Variants in SLC2A13 observed in about 807,000 individuals in gnomAD.
The protein encoded by SLC2A13 is proton myo-inositol cotransporter.
In SLC2A13, 32 loss-of-function variants were observed where a neutral mutation model predicts 64.4. The ratio of observed to expected loss-of-function variants is 0.50; its 90% confidence interval spans 0.37 to 0.67. SLC2A13 has a LOEUF of 0.67. SLC2A13 is among the 30% of genes least tolerant of loss of function. The pLI, the probability that SLC2A13 is intolerant of heterozygous loss-of-function variation, is 0.00. For synonymous variants in SLC2A13, 338 were observed against 327.1 expected (o/e 1.03, Z -0.36); for missense variants, 743 against 829.2 (o/e 0.90, Z 1.28).
rs1223748018 is a variant in SLC2A13 at position 39,760,250 on chromosome 12, C to T, written c.1723G>A (p.Ala575Thr). The change falls in exon 10 of 10, where the codon GCT (alanine) becomes ACT (threonine). Residue 575 changes from alanine (A) to threonine (T), a missense_variant and splice_region_variant. Transcript: ENST00000280871. ...GCAAATCCAGCATAGAGGAAGAAAGCTCCTGCAACGGAATATAATAGATAC... is the reference window on the plus strand; with the variant it reads ...GCAAATCCAGCATAGAGGAAGAAAGTTCCTGCAACGGAATATAATAGATAC... ...HTAEYLTYYGAFFLYAGFAAV... is the reference protein window; with the variant it reads ...HTAEYLTYYGTFFLYAGFAAV... 1.9e-6 allele frequency: 3 copies of T among 1,610,112 alleles called. No individual in the cohort carries two copies. The highest frequency in any genetic ancestry group is 2.2e-5 in the East Asian group (1 of 44,672).
chr12:39,985,935 T>A (rs918827988), intron 3 of SLC2A13, among the ~76,000 whole-genome samples: 6 of 152,116 alleles, frequency 3.9e-5, no homozygotes, highest in Non-Finnish European at 7.4e-5. Flanking sequence ...TTATATACAA[T>A]AAATGTTTAT....
chr12:39,862,969 G>A (rs1047193785), intron 6 of SLC2A13, among the ~76,000 whole-genome samples: 6 of 152,068 alleles, frequency 3.9e-5, no homozygotes, highest in Non-Finnish European at 5.9e-5. Context: ...CCCAGTAAGC[G>A]GACTGCAGCC....
At chr12:40,042,049 G>T (rs1948097839) in intron 2 of SLC2A13, among the ~76,000 whole-genome samples, 1 of 152,140 alleles carries the variant, frequency 6.6e-6, no homozygotes, top group Admixed American at 6.5e-5. Flanking sequence ...GTCTCACATT[G>T]TGCATGAGTC....
At chr12:39,810,522 G>A (rs1456049332) in intron 7 of SLC2A13, among the ~76,000 whole-genome samples, 1 of 152,104 alleles carries the variant, frequency 6.6e-6, no homozygotes, top group Non-Finnish European at 1.5e-5. Context: ...ATGTCATGTA[G>A]TAGTGTTAAG....
intron 1 of SLC2A13, among the ~76,000 whole-genome samples, chr12:40,077,391 C>T (rs1938217670): frequency 6.6e-6 from 1 of 152,144 alleles, no homozygotes; most frequent in Admixed American, 6.5e-5. Flanking sequence ...TCTTCAAACA[C>T]CATTTATTAA....
At chr12:39,864,913 G>C (rs745902890) in intron 5 of SLC2A13, 31 bp from the exon 6 acceptor site, 1 of 1,586,358 alleles carries the variant, frequency 6.3e-7, no homozygotes, top group South Asian at 1.2e-5. Context: ...TATTAGAGAA[G>C]AGTTGACAAT....
At position 40,105,278 on chromosome 12, in the gene SLC2A13, G is replaced by T; in HGVS notation, c.531C>A (p.Gly177=). 6.3e-7 allele frequency: 1 copy of T among 1,597,394 alleles called. No homozygotes were observed. The highest frequency in any genetic ancestry group is 1.7e-4 in the Middle Eastern group (1 of 5,764). Residue 177 remains glycine, a synonymous_variant, in exon 1 of 10, where the codon GGC becomes GGA. Coordinates refer to ENST00000280871, the MANE Select transcript of SLC2A13 (RefSeq NM_052885.4). This position sits in a 1 kb window ranked among gnomAD's most constrained non-coding sequence, Gnocchi z 4.2. ...CGATGCCGAGTCCCACGACCAGGCG[G>T]CCGGCGAGCAGTGTCTCCTTGTTGT... is the stretch of plus-strand genomic sequence containing the variant. The part of the protein sequence containing the change: ...AANNKETLLA[G]RLVVGLGIGI...
chr12:39,980,197 C>G (rs1444625392), intron 3 of SLC2A13, among the ~76,000 whole-genome samples: 1 of 151,886 alleles, frequency 6.6e-6, no homozygotes, highest in African/African-American at 2.4e-5. Context: ...AAGGAACAAC[C>G]AGTACCAGCC....
At chr12:40,003,634 AG>A (rs937086014) in intron 3 of SLC2A13, among the ~76,000 whole-genome samples, 2 of 151,900 alleles carry the variant, frequency 1.3e-5, no homozygotes, top group Non-Finnish European at 1.5e-5. Flanking sequence ...TAAAAAAGCA[AG>A]TCATCTCCAA....
Position 39,957,455 on chromosome 12 carries a change from G to A in SLC2A13, c.926-6090C>T, listed in dbSNP as rs149010924. Among the ~76,000 whole-genome samples the A allele has an allele frequency of 3.5e-4, 53 of 152,138 alleles. No homozygotes were observed. In the East Asian group the frequency reaches 8.5e-3, roughly 24 times the overall value. On this transcript the variant is annotated intron_variant, in intron 3 of 9. Coordinates refer to ENST00000280871, the MANE Select transcript of SLC2A13 (RefSeq NM_052885.4). ...AACAAACATACTCTGTGCTCCTTACGACTGCAATTCCTCCATTTCATTTTC... is the reference window on the plus strand; with the variant it reads ...AACAAACATACTCTGTGCTCCTTACAACTGCAATTCCTCCATTTCATTTTC...
chr12:39,899,677 T>G (rs1275623527), intron 4 of SLC2A13, among the ~76,000 whole-genome samples: 1 of 152,162 alleles, frequency 6.6e-6, no homozygotes, highest in African/African-American at 2.4e-5. Flanking sequence ...TCTGGTATGT[T>G]GTGTCTTTGT....
Position 40,093,650 on chromosome 12 carries a change from AAGAG to A in SLC2A13, c.556+11599_556+11602del, listed in dbSNP as rs377189857. 3.3e-4 allele frequency among the ~76,000 whole-genome samples: 50 copies of A among 152,294 alleles called. No homozygotes were observed. The South Asian group carries it at 5.0e-3, about 15-fold the overall frequency. ...TAAGAAGAGATGCTTGAGGAAACAC[AAGAG>A]AGAAAGGGAAAGAGTGCTCCAGGAA... On this transcript the variant is annotated intron_variant, in intron 1 of 9. Coordinates refer to ENST00000280871, the MANE Select transcript of SLC2A13 (RefSeq NM_052885.4).
intron 6 of SLC2A13, among the ~76,000 whole-genome samples, chr12:39,863,000 G>C (rs1943801765): frequency 6.6e-6 from 1 of 152,080 alleles, no homozygotes; most frequent in Non-Finnish European, 1.5e-5. Flanking sequence ...AAATCACTTA[G>C]ACTATAAATA....
chr12:39,888,425 A>G lies in SLC2A13; in HGVS notation c.1035-16464T>C, dbSNP rs569226449. The stretch of plus-strand genomic sequence containing the variant: ...TTTTTAGCAGAGACAAGGTTTCACC[A>G]TATTGGTCAGGCTGAACTCGAACTG... On this transcript the variant is annotated intron_variant, in intron 4 of 9. Transcript: ENST00000280871. Among the ~76,000 whole-genome samples, 20 of 152,252 alleles carry G rather than the reference A, an allele frequency of 1.3e-4. 1 individual carries two copies. The East Asian group carries it at 3.7e-3, about 28-fold the overall frequency.
intron 7 of SLC2A13, among the ~76,000 whole-genome samples, chr12:39,797,066 C>G (rs2135776809): frequency 6.6e-6 from 1 of 152,224 alleles, no homozygotes; most frequent in Non-Finnish European, 1.5e-5. Flanking sequence ...TATTTGATAA[C>G]TTGTGTAGGC....
At chr12:40,078,481 T>A (rs1372326993) in intron 1 of SLC2A13, among the ~76,000 whole-genome samples, 3 of 152,212 alleles carry the variant, frequency 2.0e-5, no homozygotes, top group Non-Finnish European at 4.4e-5. Flanking sequence ...ATCCCAGGAA[T>A]AAGGCCTATT....
rs538404037 is a variant in SLC2A13 at position 39,883,747 on chromosome 12, C to CA, written c.1035-11787dup. 4.0e-3 allele frequency among the ~76,000 whole-genome samples: 608 copies of CA among 152,180 alleles called. 4 individuals are homozygous for CA. Among genetic ancestry groups the CA allele is most frequent in the Non-Finnish European group, 4.4e-3 (296 of 67,996 alleles). On this transcript the variant is annotated intron_variant, in intron 4 of 9. Coordinates refer to ENST00000280871, the MANE Select transcript of SLC2A13 (RefSeq NM_052885.4). ...AAAGCAACATTTTAGAGCTTGGTCA[C>CA]AAAAATGTGATTATGCAAATATATG...
At chr12:39,953,744 T>C (rs1259174886) in intron 3 of SLC2A13, among the ~76,000 whole-genome samples, 1 of 152,174 alleles carries the variant, frequency 6.6e-6, no homozygotes, top group African/African-American at 2.4e-5. Flanking sequence ...AGACCTAAAA[T>C]ATAACCCATA....
At chr12:39,909,378 C>G (rs1055969668) in intron 4 of SLC2A13, among the ~76,000 whole-genome samples, 1 of 151,928 alleles carries the variant, frequency 6.6e-6, no homozygotes, top group African/African-American at 2.4e-5. Flanking sequence ...ATATGAACAG[C>G]TTGCATTTGT....
Sources: gnomAD v4.1 joint callset for allele counts (sites outside exome capture counted in the v4.1 genomes callset) on GRCh38, gnomAD v4.1.1 for gene constraint, Gnocchi (gnomAD v3.1) non-coding constraint, MANE v1.5 for transcripts, NCBI Gene and HGNC (gene_info 2026-07-23, HGNC 2026-07-21) for gene names.